Variants in KIAA1191 observed in about 807,000 individuals in gnomAD.
KIAA1191 encodes KIAA1191, also known as putative monooxygenase p33MONOX.
KIAA1191 carries 22 observed loss-of-function variants against 31.1 expected under a neutral mutation model. The observed-to-expected ratio is 0.71, with a 90% CI of 0.51 to 1.01. The LOEUF is 1.01. KIAA1191 is among the 50% of genes least tolerant of loss of function. KIAA1191 has a pLI of 0.00. For missense variants in KIAA1191, 319 were observed against 388.0 expected (o/e 0.82, Z 1.49); for synonymous variants, 130 against 143.9 (o/e 0.90, Z 0.69).
In KIAA1191 at chr5:176,352,655, C is replaced by T. The variant is rs1256397910; in HGVS notation, c.301G>A (p.Ala101Thr). The T allele has an allele frequency of 5.6e-6, 9 of 1,613,844 alleles. No individual in the cohort carries two copies. Among genetic ancestry groups the T allele is most frequent in the Admixed American group, 1.7e-5 (1 of 60,002 alleles). ...AGAGAATTCATGATGACATGGGTAG[C>T]TTTAGCCTTCACCACTGGGACCTTG... ...VDKVPVVKAKATHVIMNSLIT... is the reference protein window; with the variant it reads ...VDKVPVVKAKTTHVIMNSLIT... The change falls in exon 5 of 9, where the codon GCT becomes ACT. Residue 101 changes from alanine to threonine, a missense_variant. By Grantham distance (58) the Ala-to-Thr change is moderately conservative (BLOSUM62 0). Transcript: ENST00000298569.
chr5:176,361,161 C>T lies in KIAA1191; in HGVS notation c.-168+441G>A, dbSNP rs1173729121. The T allele has an allele frequency of 6.6e-6, 1 of 152,444 alleles. No individual in the cohort carries two copies. Among genetic ancestry groups the T allele is most frequent in the African/African-American group, 2.4e-5 (1 of 41,414 alleles). 9.4% of individuals were successfully genotyped at this position (152,444 alleles called of 1,614,324 possible). ...CCCTTTCCCTTTCCCTGTGCCCCCA[C>T]CCCCCAGCTCACCGTCCCTCTGCCT... On this transcript the variant is annotated intron_variant, in intron 1 of 8. Transcript: ENST00000298569. This position sits in a 1 kb window ranked among gnomAD's most constrained non-coding sequence, Gnocchi z 4.0.
At chr5:176,350,530 G>T in intron 6 of KIAA1191, 83 bp downstream of exon 6, 1 of 1,532,512 alleles carries the variant, frequency 6.5e-7, no homozygotes, top group South Asian at 1.2e-5. Context: ...CCAACTAACT[G>T]AGCTGGTAAC....
chr5:176,348,314 G>A lies in KIAA1191; in HGVS notation c.502C>T (p.Gln168Ter). The change falls in exon 7 of 9, where the codon CAG (glutamine) becomes TAG (stop). Residue 168 changes from glutamine (Q) to a stop codon, truncating the protein, a stop_gained. Coordinates refer to ENST00000298569, the MANE Select transcript of KIAA1191 (RefSeq NM_020444.5). LOFTEE classifies it high-confidence loss of function. ...GGGGTGGACTGGGCTGATGCAGGCT[G>A]CCTCTCTTCTTTTGTTACCTCTCCA... Reference protein sequence around the residue: ...QSGEVTKEERQPASAQSTPST... With the variant: ...QSGEVTKEER 6.2e-7 allele frequency: 1 copy of A among 1,613,746 alleles called. No individual in the cohort carries two copies. The highest frequency in any genetic ancestry group is 2.2e-5 in the East Asian group (1 of 44,850).
At chr5:176,352,923 A>AC (rs1767162190) in intron 4 of KIAA1191, among the ~76,000 whole-genome samples, 175 bp from the exon 5 acceptor site, 1 of 152,222 alleles carries the variant, frequency 6.6e-6, no homozygotes, top group South Asian at 2.1e-4. Flanking sequence ...ATCCATAGAG[A>AC]CAACAAAGAA....
At position 176,356,073 on chromosome 5, in the gene KIAA1191, A is replaced by G. The variant is rs112447219; in HGVS notation, c.29-324T>C. On this transcript the variant is annotated intron_variant, in intron 3 of 8. Coordinates refer to ENST00000298569, the MANE Select transcript of KIAA1191 (RefSeq NM_020444.5). ...ACTGCAGGCTCAACCTCCTGGGCTCAAGTGCCTCAGCCTAGCGAGTAGTTG... is the reference window on the plus strand; with the variant it reads ...ACTGCAGGCTCAACCTCCTGGGCTCGAGTGCCTCAGCCTAGCGAGTAGTTG... 1.2e-4 allele frequency: 36 copies of G among 293,904 alleles called. 2 individuals carry two copies. The Admixed American group carries it at 1.7e-3, about 14-fold the overall frequency. 18.2% of individuals were successfully genotyped at this position (293,904 alleles called of 1,614,324 possible). A position where few individuals can be genotyped will look rare whatever the true frequency, so the allele number is the denominator to read the frequency against.
rs1017170916 is a variant in KIAA1191 at position 176,360,620 on chromosome 5, G to T, written c.-167-702C>A. On this transcript the variant is annotated intron_variant, in intron 1 of 8. Coordinates refer to ENST00000298569, the MANE Select transcript of KIAA1191 (RefSeq NM_020444.5). ...GTTCGAGACTAGCCTGGCCAACATG[G>T]TGAAACCCCATCTCTACTAAAAATA... is the stretch of plus-strand genomic sequence containing the variant. Among the ~76,000 whole-genome samples, 146 of 151,414 alleles carry T rather than the reference G, an allele frequency of 9.6e-4. 1 individual carries two copies. Among genetic ancestry groups the T allele is most frequent in the Non-Finnish European group, 3.7e-4 (25 of 67,866 alleles).
rs1355184504 is a variant in KIAA1191 at position 176,346,152 on chromosome 5, GGGCCTCTCTAT to G, written c.*1437_*1447del. 6.6e-6 allele frequency: 1 copy of G among 152,074 alleles called. No individual in the cohort carries two copies. The highest frequency in any genetic ancestry group is 1.5e-5 in the Non-Finnish European group (1 of 68,014). The allele number at this position is 152,074 out of a possible 1,614,324, so 9.4% of individuals were successfully genotyped here. On this transcript the variant is annotated 3_prime_UTR_variant, in exon 9 of 9. Transcript: ENST00000298569. ...ATTGTTCTCATAATTTTAGACTCCAGGGCCTCTCTATGGAAAGGCCAGCTTCTTATACAGAC... is the reference window on the plus strand; with the variant it reads ...ATTGTTCTCATAATTTTAGACTCCAGGGAAAGGCCAGCTTCTTATACAGAC...
At position 176,346,765 on chromosome 5, in the gene KIAA1191, A is replaced by G. The variant is rs1464062031; in HGVS notation, c.*835T>C. The G allele has an allele frequency of 6.6e-6, 1 of 152,238 alleles. No individual in the cohort carries two copies. Among genetic ancestry groups the G allele is most frequent in the Non-Finnish European group, 1.5e-5 (1 of 68,046 alleles). The allele number at this position is 152,238 out of a possible 1,614,324, so 9.4% of individuals were successfully genotyped here. Reference sequence around the variant, plus strand: ...CAGGGGGACTCAAGGTTCAGCCTAGAAAGAGGGGTCCCTGCCAAGTCTGGC... The same window carrying G: ...CAGGGGGACTCAAGGTTCAGCCTAGGAAGAGGGGTCCCTGCCAAGTCTGGC... On this transcript the variant is annotated 3_prime_UTR_variant, in exon 9 of 9. Transcript: ENST00000298569.
rs1766914794 is a variant in KIAA1191 at position 176,350,655 on chromosome 5, G to T, written c.417C>A (p.Thr139=). 6.2e-7 allele frequency: 1 copy of T among 1,614,004 alleles called. No homozygotes were observed. The highest frequency in any genetic ancestry group is 1.3e-5 in the African/African-American group (1 of 74,910). The change falls in exon 6 of 9, where the codon ACC becomes ACA. Residue 139 remains threonine, a synonymous_variant. Coordinates refer to ENST00000298569, the MANE Select transcript of KIAA1191 (RefSeq NM_020444.5). ...DAGYTPHKGL[T]TEETKYLRVA... ...CTCGAAGGTACTTGGTCTCCTCGGTGGTGAGGCCCTTGTGGGGTGTGTAGC... is the reference window on the plus strand; with the variant it reads ...CTCGAAGGTACTTGGTCTCCTCGGTTGTGAGGCCCTTGTGGGGTGTGTAGC...
At position 176,355,537 on chromosome 5, in the gene KIAA1191, G is replaced by A. The variant is rs1431193384; in HGVS notation, c.207+34C>T. The A allele has an allele frequency of 1.3e-6, 2 of 1,592,276 alleles. No individual in the cohort carries two copies. Among genetic ancestry groups the A allele is most frequent in the South Asian group, 1.1e-5 (1 of 89,558 alleles). On this transcript the variant is annotated intron_variant, in intron 4 of 8. Coordinates refer to ENST00000298569, the MANE Select transcript of KIAA1191 (RefSeq NM_020444.5). This position sits in a 1 kb window ranked among gnomAD's most constrained non-coding sequence, Gnocchi z 4.2. Reference sequence around the variant, plus strand: ...GGAGCAGAGGAAGGACAAAGGGGTTGCGTATGCCAGAAATGGCCAGCAGGG... The same window carrying A: ...GGAGCAGAGGAAGGACAAAGGGGTTACGTATGCCAGAAATGGCCAGCAGGG...
rs776444660 is a variant in KIAA1191 at position 176,355,659 on chromosome 5, G to C, written c.119C>G (p.Pro40Arg). The C allele has an allele frequency of 1.9e-6, 3 of 1,613,246 alleles. No homozygotes were observed. The highest frequency in any genetic ancestry group is 3.3e-5 in the Admixed American group (2 of 60,020). The change falls in exon 4 of 9, where the codon CCT (proline) becomes CGT (arginine). Residue 40 changes from proline (P) to arginine (R), a missense_variant. Physicochemically the swap from Pro to Arg is moderately radical, Grantham distance 103 (BLOSUM62 -2). Coordinates refer to ENST00000298569, the MANE Select transcript of KIAA1191 (RefSeq NM_020444.5). The surrounding 1 kb of genome is among the most constrained non-coding windows in gnomAD (Gnocchi z 4.2). Reference protein sequence around the residue: ...AVSYDDTLEDPAPMTPPPSDM... With the variant: ...AVSYDDTLEDRAPMTPPPSDM... ...CGATGGAGGAGGAGTCATGGGCGCAGGGTCCTCGAGGGTATCATCATAGCT... is the reference window on the plus strand; with the variant it reads ...CGATGGAGGAGGAGTCATGGGCGCACGGTCCTCGAGGGTATCATCATAGCT...
rs369797492 is a variant in KIAA1191, at chr5:176,355,348, C to T, written c.207+223G>A. ...TTCACCACTATACAATTCATCCATG[C>T]GAACAACACCTCGGGTAACCCTAAA... On this transcript the variant is annotated intron_variant, in intron 4 of 8. Transcript: ENST00000298569. This position sits in a 1 kb window ranked among gnomAD's most constrained non-coding sequence, Gnocchi z 4.2. Among the ~76,000 whole-genome samples, 10 of 151,762 alleles carry T rather than the reference C, an allele frequency of 6.6e-5. No individual in the cohort carries two copies. In the South Asian group the frequency reaches 2.1e-3, roughly 32 times the overall value.
intron 5 of KIAA1191, among the ~76,000 whole-genome samples, chr5:176,351,272 C>T (rs901646602): frequency 3.3e-5 from 5 of 150,016 alleles, no homozygotes; most frequent in African/African-American, 1.2e-4. Context: ...ACCCGGGAGG[C>T]GGAGCTTGCA....
At chr5:176,350,828 A>G (rs1435782240) in intron 5 of KIAA1191, 91 bp from the exon 6 acceptor site, 2 of 1,486,528 alleles carry the variant, frequency 1.3e-6, no homozygotes, top group African/African-American at 1.4e-5. Flanking sequence ...TCTCCCCAGA[A>G]GCAAGAGACC....
intron 5 of KIAA1191, among the ~76,000 whole-genome samples, 153 bp downstream of exon 5, chr5:176,352,469 G>T (rs1438686057): frequency 6.6e-6 from 1 of 152,236 alleles, no homozygotes; most frequent in African/African-American, 2.4e-5. Flanking sequence ...AATAAATGGA[G>T]CTTCAATACT....
chr5:176,350,282 A>G (rs938293857), intron 6 of KIAA1191, among the ~76,000 whole-genome samples: 4 of 152,230 alleles, frequency 2.6e-5, no homozygotes, highest in African/African-American at 7.2e-5. Flanking sequence ...CCAATTCCAC[A>G]TTTGATTTTA....
In KIAA1191 at chr5:176,361,757, G is replaced by A. The variant is rs765550989; in HGVS notation, c.-323C>T. 6.6e-6 allele frequency: 1 copy of A among 152,610 alleles called. No individual in the cohort carries two copies. The highest frequency in any genetic ancestry group is 2.1e-4 in the South Asian group (1 of 4,828). 9.5% of individuals were successfully genotyped at this position (152,610 alleles called of 1,614,324 possible). ...GAAGGTCCCCAAGACCCACTAGGTA[G>A]CAGTACCACCCAGCGGGCAGGCAGC... On this transcript the variant is annotated 5_prime_UTR_variant, in exon 1 of 9. Coordinates refer to ENST00000298569, the MANE Select transcript of KIAA1191 (RefSeq NM_020444.5). The surrounding 1 kb of genome is among the most constrained non-coding windows in gnomAD (Gnocchi z 4.0).
intron 1 of KIAA1191, among the ~76,000 whole-genome samples, chr5:176,360,814 A>T (rs887188532): frequency 5.3e-5 from 8 of 151,854 alleles, no homozygotes; most frequent in East Asian, 1.9e-4. Flanking sequence ...AATAAAAATT[A>T]AAAAAATTAA....
Position 176,347,730 on chromosome 5 carries a change from A to T in KIAA1191, c.788T>A (p.Met263Lys). Reference sequence around the variant, plus strand: ...CTTCAAGGCTGCTGGATCTTCAGCCATTCGGTTGGCCTGGGCACGTATCAG... The same window carrying T: ...CTTCAAGGCTGCTGGATCTTCAGCCTTTCGGTTGGCCTGGGCACGTATCAG... ...LELIRAQANRMAEDPAALKPP... is the reference protein window; with the variant it reads ...LELIRAQANRKAEDPAALKPP... Residue 263 changes from methionine (M) to lysine (K), a missense_variant, in exon 9 of 9, where the codon ATG (methionine) becomes AAG (lysine). Physicochemically the swap from Met to Lys is moderately conservative, Grantham distance 95 (BLOSUM62 -1). Coordinates refer to ENST00000298569, the MANE Select transcript of KIAA1191 (RefSeq NM_020444.5). 1 of 1,610,264 alleles carries T rather than the reference A, an allele frequency of 6.2e-7. No homozygotes were observed. Among genetic ancestry groups the T allele is most frequent in the Non-Finnish European group, 8.5e-7 (1 of 1,178,450 alleles).
Sources: allele counts gnomAD v4.1 joint callset (sites outside exome capture counted in the v4.1 genomes callset), GRCh38; gene constraint gnomAD v4.1.1; non-coding constraint Gnocchi (gnomAD v3.1); transcripts MANE v1.5; gene names NCBI Gene and HGNC (gene_info 2026-07-23, HGNC 2026-07-21).